Variants in ADCY9 observed in about 807,000 individuals in gnomAD.
ADCY9 encodes the protein adenylate cyclase 9.
Under a neutral mutation model 101.5 loss-of-function variants are expected in ADCY9, and 50 were observed. The observed-to-expected ratio is 0.49, with a 90% CI of 0.39 to 0.62. The LOEUF is 0.62. ADCY9 is among the 20% of genes least tolerant of loss of function. The probability of loss-of-function intolerance (pLI) is 0.00; values close to 1 mark genes in which losing one functional copy is unlikely to be tolerated. For synonymous variants in ADCY9, 905 were observed against 769.3 expected (o/e 1.18, Z -2.92); for missense variants, 1,662 against 1,800.4 (o/e 0.92, Z 1.39).
intron 2 of ADCY9, among the ~76,000 whole-genome samples, chr16:4,034,176 A>T (rs1054223001): frequency 6.6e-6 from 1 of 152,054 alleles, no homozygotes; most frequent in Admixed American, 6.6e-5. Flanking sequence ...TCTTACACAA[A>T]TGGTCTCTTG....
chr16:4,097,553 A>ATATATATATTTTT lies in ADCY9; in HGVS notation c.1693+16196_1693+16197insAAAAATATATATA, dbSNP rs1382458827. ...CATATATATATATATATATATATAT[A>ATATATATATTTTT]TTTTTTTTTTTTTTTTTTAAGACAG... On this transcript the variant is annotated intron_variant, in intron 2 of 10. Coordinates refer to ENST00000294016, the MANE Select transcript of ADCY9 (RefSeq NM_001116.4). Among the ~76,000 whole-genome samples the ATATATATATTTTT allele has an allele frequency of 1.5e-4, 8 of 53,400 alleles. 1 individual carries two copies. The highest frequency in any genetic ancestry group is 6.0e-4 in the African/African-American group (7 of 11,586). 35.0% of individuals were successfully genotyped at this position (53,400 alleles called of 152,430 possible).
intron 2 of ADCY9, among the ~76,000 whole-genome samples, chr16:4,089,943 C>G (rs914225423): frequency 6.6e-6 from 1 of 151,998 alleles, no homozygotes; most frequent in Non-Finnish European, 1.5e-5. Context: ...TTTTACCTAC[C>G]CACAGGCTTG....
intron 2 of ADCY9, among the ~76,000 whole-genome samples, chr16:4,038,001 A>G (rs372703644): frequency 6.6e-6 from 1 of 151,522 alleles, no homozygotes; most frequent in Non-Finnish European, 1.5e-5. Flanking sequence ...TTACTGGCAC[A>G]GTGGCTCAAC....
At chr16:4,073,316 G>C (rs549979063) in intron 2 of ADCY9, among the ~76,000 whole-genome samples, 245 of 151,840 alleles carry the variant, frequency 1.6e-3, no homozygotes, top group Non-Finnish European at 3.2e-3. Flanking sequence ...CCAACTCCTG[G>C]CCTCAAGTGA....
chr16:3,987,212 C>G (rs534926798), intron 6 of ADCY9, among the ~76,000 whole-genome samples: 1 of 152,348 alleles, frequency 6.6e-6, no homozygotes, highest in Non-Finnish European at 1.5e-5. Flanking sequence ...GGAGGGCACT[C>G]GCAGACCTCC....
chr16:3,992,130 A>T lies in ADCY9; in HGVS notation c.2207+16T>A. 1 of 1,612,374 alleles carries T rather than the reference A, an allele frequency of 6.2e-7. No individual in the cohort carries two copies. Among genetic ancestry groups the T allele is most frequent in the Non-Finnish European group, 8.5e-7 (1 of 1,178,860 alleles). Reference sequence around the variant, plus strand: ...GCCTGCAACCTTTGCTTTTTCCCAGACAGCCCCAGTCGTACCTGTCTTCTT... The same window carrying T: ...GCCTGCAACCTTTGCTTTTTCCCAGTCAGCCCCAGTCGTACCTGTCTTCTT... On this transcript the variant is annotated intron_variant, in intron 5 of 10. Coordinates refer to ENST00000294016, the MANE Select transcript of ADCY9 (RefSeq NM_001116.4). This position sits in a 1 kb window ranked among gnomAD's most constrained non-coding sequence, Gnocchi z 4.2.
chr16:4,053,740 C>T (rs2601829), intron 2 of ADCY9, among the ~76,000 whole-genome samples: 5 of 152,308 alleles, frequency 3.3e-5, no homozygotes, highest in Middle Eastern at 3.4e-3. Flanking sequence ...AGGCCTGGGA[C>T]GCAGCCAGTG....
intron 2 of ADCY9, among the ~76,000 whole-genome samples, chr16:4,069,915 G>T (rs112617906): frequency 0.036 from 5,473 of 152,234 alleles, 132 homozygotes; most frequent in Admixed American, 0.053. Flanking sequence ...GCCCAAGATG[G>T]TGAAACCCTG....
At chr16:4,054,830 G>A (rs1448920875) in intron 2 of ADCY9, among the ~76,000 whole-genome samples, 3 of 152,128 alleles carry the variant, frequency 2.0e-5, no homozygotes, top group Non-Finnish European at 4.4e-5. Context: ...ACCTCCCAAA[G>A]TGCTGGGATT....
At chr16:3,975,610 G>C (rs2056086781) in intron 9 of ADCY9, among the ~76,000 whole-genome samples, 1 of 152,130 alleles carries the variant, frequency 6.6e-6, no homozygotes, top group Non-Finnish European at 1.5e-5. Flanking sequence ...AAATGCCAGG[G>C]GTCCCTCTGG....
chr16:4,074,716 CA>C (rs55742993), intron 2 of ADCY9, among the ~76,000 whole-genome samples: 1,150 of 100,346 alleles, frequency 0.011, 19 homozygotes, highest in African/African-American at 0.035. Flanking sequence ...TACCCAGTGG[CA>C]AAAAAAAAAA....
At chr16:4,061,888 G>A (rs996942237) in intron 2 of ADCY9, among the ~76,000 whole-genome samples, 1 of 152,186 alleles carries the variant, frequency 6.6e-6, no homozygotes, top group Non-Finnish European at 1.5e-5. Flanking sequence ...AATAACTACA[G>A]ACTTTTACTA....
At chr16:4,108,251 T>C (rs1441789314) in intron 2 of ADCY9, among the ~76,000 whole-genome samples, 3 of 152,070 alleles carry the variant, frequency 2.0e-5, no homozygotes, top group Non-Finnish European at 2.9e-5. Context: ...GTCTCACCAT[T>C]TTTTGCTTGT....
intron 2 of ADCY9, among the ~76,000 whole-genome samples, chr16:4,097,553 A>ATATATATATATATATTT (rs1382458827): frequency 7.5e-5 from 4 of 53,414 alleles, no homozygotes; most frequent in African/African-American, 2.6e-4. Context: ...ATATATATAT[A>ATATATATATATATATTT]TTTTTTTTTT....
At position 4,116,252 on chromosome 16, in the gene ADCY9, C is replaced by T. The variant is rs1002061191; in HGVS notation, c.-606G>A. On this transcript the variant is annotated 5_prime_UTR_variant, in exon 1 of 11. Transcript: ENST00000294016. ...CCCTCGCCGGGCGGCGGTGCAGACG[C>T]TGCCGCAGAGCCGGGCTCCCGCGAC... The T allele has an allele frequency of 6.8e-6, 1 of 146,024 alleles. No homozygotes were observed. Among genetic ancestry groups the T allele is most frequent in the African/African-American group, 2.5e-5 (1 of 40,728 alleles). The allele number at this position is 146,024 out of a possible 1,614,324, so 9.0% of individuals were successfully genotyped here.
intron 2 of ADCY9, among the ~76,000 whole-genome samples, chr16:4,056,717 C>G (rs941791197): frequency 6.6e-6 from 1 of 152,232 alleles, no homozygotes; most frequent in African/African-American, 2.4e-5. Flanking sequence ...CCCTCTGCAT[C>G]ATGGGCACTC....
intron 2 of ADCY9, among the ~76,000 whole-genome samples, chr16:4,035,860 G>A (rs565368243): frequency 2.6e-5 from 4 of 152,036 alleles, no homozygotes; most frequent in East Asian, 3.9e-4. Flanking sequence ...TTAGACAGGC[G>A]TGGTGGCACA....
intron 2 of ADCY9, among the ~76,000 whole-genome samples, chr16:4,105,212 A>G (rs2057068676): frequency 1.3e-5 from 2 of 152,228 alleles, no homozygotes; most frequent in Non-Finnish European, 2.9e-5. Flanking sequence ...TACTTACATT[A>G]ACATGCAATG....
At chr16:4,071,223 G>A (rs771317690) in intron 2 of ADCY9, among the ~76,000 whole-genome samples, 19 of 150,942 alleles carry the variant, frequency 1.3e-4, no homozygotes, top group African/African-American at 3.9e-4. Context: ...CTAGCTACTC[G>A]GGAGGCTGAG....
Sources: allele counts gnomAD v4.1 joint callset (sites outside exome capture counted in the v4.1 genomes callset), GRCh38; gene constraint gnomAD v4.1.1; non-coding constraint Gnocchi (gnomAD v3.1); transcripts MANE v1.5; gene names NCBI Gene and HGNC (gene_info 2026-07-23, HGNC 2026-07-21).